Variants in AOAH observed in about 807,000 individuals in gnomAD.
AOAH encodes the protein acyloxyacyl hydrolase (neutrophil).
Under a neutral mutation model 92.2 loss-of-function variants are expected in AOAH, and 64 were observed. The ratio of observed to expected loss-of-function variants is 0.69; its 90% CI spans 0.57 to 0.86. The LOEUF (loss-of-function observed/expected upper bound fraction) is 0.86. AOAH is among the 40% of genes least tolerant of loss of function. The pLI is 0.00. For missense variants in AOAH, 656 were observed against 694.6 expected, an observed-to-expected ratio of 0.94 and a Z score of 0.62; for synonymous variants, 263 against 254.5, an observed-to-expected ratio of 1.03 and a Z score of -0.32.
intron 12 of AOAH, among the ~76,000 whole-genome samples, chr7:36,590,199 C>G (rs1451874482): frequency 1.3e-5 from 2 of 152,144 alleles, no homozygotes; most frequent in Non-Finnish European, 1.5e-5. Flanking sequence ...CTCCAGTAAT[C>G]TTTTCACCTC....
chr7:36,607,907 TG>T (rs1238267117), intron 11 of AOAH, among the ~76,000 whole-genome samples: 2 of 152,220 alleles, frequency 1.3e-5, no homozygotes, highest in Non-Finnish European at 2.9e-5. Context: ...AGAGGCACTG[TG>T]GGGAACAGGT....
chr7:36,525,308 GA>G (rs1378929652), intron 19 of AOAH, among the ~76,000 whole-genome samples: 1 of 152,192 alleles, frequency 6.6e-6, no homozygotes, highest in Admixed American at 6.5e-5. Flanking sequence ...ACCTGTTAGG[GA>G]AACACAGTTT....
chr7:36,623,890 T>C (rs1792456250), intron 6 of AOAH, among the ~76,000 whole-genome samples: 2 of 152,160 alleles, frequency 1.3e-5, no homozygotes, highest in South Asian at 4.1e-4. Flanking sequence ...ACTTACACAG[T>C]AGCAGAATAA....
chr7:36,549,490 T>C lies in AOAH; in HGVS notation c.1022-15A>G. 1 of 1,557,002 alleles carries C rather than the reference T, an allele frequency of 6.4e-7. No individual in the cohort carries two copies. The highest frequency in any genetic ancestry group is 1.1e-5 in the South Asian group (1 of 88,422). On this transcript the variant is annotated splice_polypyrimidine_tract_variant and intron_variant, in intron 13 of 20. Coordinates refer to ENST00000617537, the MANE Select transcript of AOAH (RefSeq NM_001637.4). The stretch of plus-strand genomic sequence containing the variant: ...GGAAGATGCACCTGAATAATTAAAA[T>C]TAAGAAAACAATTAAAGTTAGTGAG...
chr7:36,537,925 G>A (rs919981833), intron 16 of AOAH, among the ~76,000 whole-genome samples: 4 of 151,716 alleles, frequency 2.6e-5, no homozygotes, highest in African/African-American at 4.8e-5. Context: ...CACAGAAGTG[G>A]ACAAATCCCC....
chr7:36,674,968 T>G (rs187645615), intron 2 of AOAH, among the ~76,000 whole-genome samples: 212 of 152,382 alleles, frequency 1.4e-3, no homozygotes, highest in African/African-American at 5.0e-3. Flanking sequence ...AAATACACTG[T>G]GCTCGGCTGG....
At chr7:36,568,529 A>ATTCT (rs1699301058) in intron 13 of AOAH, among the ~76,000 whole-genome samples, 1 of 152,178 alleles carries the variant, frequency 6.6e-6, no homozygotes, top group Non-Finnish European at 1.5e-5. Context: ...CCTGTGGTTC[A>ATTCT]TTCTCAGAGC....
At chr7:36,514,632 G>T in intron 20 of AOAH, 1 of 1,390,204 alleles carries the variant, frequency 7.2e-7, no homozygotes. Flanking sequence ...ACCTGGCCAG[G>T]CCTGCAGACT....
At chr7:36,657,224 T>C (rs751892001) in intron 4 of AOAH, among the ~76,000 whole-genome samples, 3 of 152,206 alleles carry the variant, frequency 2.0e-5, no homozygotes, top group African/African-American at 4.8e-5. Flanking sequence ...TTCTGAAACA[T>C]TGACACCACG....
At position 36,711,454 on chromosome 7, in the gene AOAH, A is replaced by G. The variant is rs561485701; in HGVS notation, c.127+12568T>C. Among the ~76,000 whole-genome samples the G allele has an allele frequency of 3.9e-5, 6 of 152,202 alleles. No individual in the cohort carries two copies. In the East Asian group the frequency reaches 1.2e-3, roughly 29 times the overall value. On this transcript the variant is annotated intron_variant, in intron 1 of 20. Coordinates refer to ENST00000617537, the MANE Select transcript of AOAH (RefSeq NM_001637.4). ...TTGCTCACTGTGTGACCTTTCCCCA[A>G]AGTCACAGGCCCTTCTCAGAGTGTC...
rs1354973955 is a variant in AOAH at position 36,648,838 on chromosome 7, A to AT, written c.390+10327dup. On this transcript the variant is annotated intron_variant, in intron 4 of 20. Coordinates refer to ENST00000617537, the MANE Select transcript of AOAH (RefSeq NM_001637.4). ...AATGCATTGGGATATATTTTGCTCC[A>AT]TTTTAAGCTGACTTTCTGTGTCTAG... 4.6e-5 allele frequency among the ~76,000 whole-genome samples: 7 copies of AT among 152,272 alleles called. No individual in the cohort carries two copies. In the South Asian group the frequency reaches 1.4e-3, roughly 32 times the overall value.
At chr7:36,659,737 CAT>C (rs1387543405) in intron 3 of AOAH, among the ~76,000 whole-genome samples, 1 of 150,134 alleles carries the variant, frequency 6.7e-6, no homozygotes, top group Non-Finnish European at 1.5e-5. Context: ...CCCTTATAAA[CAT>C]ATTTCTTTTT....
At position 36,647,320 on chromosome 7, in the gene AOAH, T is replaced by C. The variant is rs181570215; in HGVS notation, c.391-9410A>G. On this transcript the variant is annotated intron_variant, in intron 4 of 20. Coordinates refer to ENST00000617537, the MANE Select transcript of AOAH (RefSeq NM_001637.4). ...GCTGAGCTCTAATGGGGGTGATTAA[T>C]TAAGTGAAGATGAGGGCCAAGAGTG... Among the ~76,000 whole-genome samples, 1,246 of 152,334 alleles carry C rather than the reference T, an allele frequency of 8.2e-3. 19 individuals carry two copies. The highest frequency in any genetic ancestry group is 0.011 in the Admixed American group (165 of 15,298).
chr7:36,606,852 G>A (rs2718180), intron 11 of AOAH, among the ~76,000 whole-genome samples: 4 of 152,024 alleles, frequency 2.6e-5, no homozygotes, highest in Non-Finnish European at 5.9e-5. Context: ...TTCTTGTGGC[G>A]TGAGAAGGTC....
chr7:36,709,176 G>C (rs537090959), intron 1 of AOAH, among the ~76,000 whole-genome samples: 19 of 152,240 alleles, frequency 1.2e-4, no homozygotes, highest in African/African-American at 4.3e-4. Context: ...ATCAAACCTT[G>C]AGCTAGCAAA....
At chr7:36,579,589 T>C (rs1245254904) in intron 12 of AOAH, among the ~76,000 whole-genome samples, 7 of 152,094 alleles carry the variant, frequency 4.6e-5, no homozygotes, top group Admixed American at 3.3e-4. Context: ...GTAGGCAGGC[T>C]GAGGAGCAAG....
intron 1 of AOAH, among the ~76,000 whole-genome samples, chr7:36,721,970 C>G (rs1171590067): frequency 6.6e-6 from 1 of 152,092 alleles, no homozygotes; most frequent in Non-Finnish European, 1.5e-5. Context: ...AAGCCTACTA[C>G]CCAAGATAGC....
intron 20 of AOAH, chr7:36,514,601 T>A (rs1485396066): frequency 6.5e-7 from 1 of 1,530,886 alleles, no homozygotes; most frequent in Admixed American, 2.0e-5. Context: ...CTGCAAACAA[T>A]GCCCTCATTT....
chr7:36,635,871 T>G (rs73687590), intron 5 of AOAH, among the ~76,000 whole-genome samples: 4,529 of 152,272 alleles, frequency 0.03, 221 homozygotes, highest in African/African-American at 0.1. Context: ...CTCTATCTAT[T>G]TGAGAATGAA....
Sources: gnomAD v4.1 joint callset for allele counts (sites outside exome capture counted in the v4.1 genomes callset) on GRCh38, gnomAD v4.1.1 for gene constraint, MANE v1.5 for transcripts, NCBI Gene and HGNC (gene_info 2026-07-23, HGNC 2026-07-21) for gene names.